The following DLG1 variants were observed in gnomAD, a reference collection of about 807,000 sequenced individuals.
DLG1 encodes disks large homolog 1.
DLG1 carries 42 observed loss-of-function variants against 123.4 expected under a neutral mutation model. That is an observed-to-expected ratio of 0.34 (90% CI 0.27 to 0.44). The LOEUF (loss-of-function observed/expected upper bound fraction) is 0.44, where lower values mean the gene tolerates loss of function less well. Ranked by LOEUF, DLG1 falls within the 20% of genes least tolerant of loss-of-function variation. The probability of loss-of-function intolerance (pLI) is 1.00; values close to 1 mark genes in which losing one functional copy is unlikely to be tolerated. For synonymous variants in DLG1, 317 were observed against 356.2 expected (o/e 0.89, Z 1.24); for missense variants, 942 against 1,082.6 (o/e 0.87, Z 1.82).
intron 4 of DLG1, among the ~76,000 whole-genome samples, chr3:197,274,942 T>C (rs1327622184): frequency 6.6e-6 from 1 of 152,166 alleles, no homozygotes; most frequent in Non-Finnish European, 1.5e-5. Context: ...TCCCAGCACA[T>C]GGGAGGCCGA....
chr3:197,251,370 G>A (rs1754376806), intron 4 of DLG1, among the ~76,000 whole-genome samples: 1 of 152,150 alleles, frequency 6.6e-6, no homozygotes, highest in Non-Finnish European at 1.5e-5. Context: ...AAAGCTGGAG[G>A]CATCACGCTA....
At chr3:197,114,089 C>T (rs1047274904) in intron 13 of DLG1, among the ~76,000 whole-genome samples, 2 of 152,078 alleles carry the variant, frequency 1.3e-5, no homozygotes, top group African/African-American at 2.4e-5. Context: ...GGTTAACAGA[C>T]ATGAAAAACA....
intron 14 of DLG1, among the ~76,000 whole-genome samples, chr3:197,095,045 T>C (rs1431520996): frequency 6.6e-6 from 1 of 152,238 alleles, no homozygotes; most frequent in East Asian, 1.9e-4. Flanking sequence ...AGGAGACTCC[T>C]ATTACATGCA....
intron 10 of DLG1, among the ~76,000 whole-genome samples, chr3:197,132,642 C>T (rs75124247): frequency 7.2e-6 from 1 of 138,046 alleles, no homozygotes; most frequent in African/African-American, 2.7e-5. Flanking sequence ...CTGAAATACA[C>T]ATTAAATAGC....
At chr3:197,143,995 T>A (rs1424795721) in intron 6 of DLG1, among the ~76,000 whole-genome samples, 1 of 152,182 alleles carries the variant, frequency 6.6e-6, no homozygotes, top group Admixed American at 6.5e-5. Context: ...CTTTAAAATT[T>A]CTCGTGATAT....
chr3:197,164,466 T>C (rs1800294678), intron 5 of DLG1, among the ~76,000 whole-genome samples: 1 of 152,178 alleles, frequency 6.6e-6, no homozygotes. Context: ...GGAAATAATT[T>C]TAAAAGCCTA....
chr3:197,128,646 G>C (rs1271279172), intron 11 of DLG1, among the ~76,000 whole-genome samples: 3 of 152,180 alleles, frequency 2.0e-5, no homozygotes, highest in Admixed American at 2.0e-4. Context: ...ACCTATGACA[G>C]CTATAGCTTT....
chr3:197,270,101 C>A (rs61693362), intron 4 of DLG1, among the ~76,000 whole-genome samples: 3 of 152,172 alleles, frequency 2.0e-5, no homozygotes, highest in East Asian at 1.9e-4. Flanking sequence ...GAAAAAGCAA[C>A]CCCTAGGAAT....
intron 4 of DLG1, among the ~76,000 whole-genome samples, chr3:197,278,945 T>C (rs1767882318): frequency 6.6e-6 from 1 of 152,200 alleles, no homozygotes; most frequent in Non-Finnish European, 1.5e-5. Flanking sequence ...TATCCAAGAA[T>C]TAGTACACAA....
At chr3:197,201,241 G>A (rs894254685) in intron 4 of DLG1, among the ~76,000 whole-genome samples, 2 of 152,166 alleles carry the variant, frequency 1.3e-5, no homozygotes, top group African/African-American at 4.8e-5. Context: ...AAATTTAGCT[G>A]GGCATGGTGG....
chr3:197,289,341 TACACACACAC>T lies in DLG1; in HGVS notation c.152-6506_152-6497del, dbSNP rs56319334. ...GGGGGGTGGCGTGTATACACGCGCA[TACACACACAC>T]ACACACACACACACACAAATAACAT... On this transcript the variant is annotated intron_variant, in intron 3 of 24. Transcript: ENST00000667157. Among the ~76,000 whole-genome samples, 561 of 150,398 alleles carry T rather than the reference TACACACACAC, an allele frequency of 3.7e-3. 4 individuals are homozygous for T. Among genetic ancestry groups the T allele is most frequent in the African/African-American group, 0.013 (539 of 40,958 alleles).
intron 14 of DLG1, among the ~76,000 whole-genome samples, chr3:197,101,669 G>A (rs1438339559): frequency 1.3e-5 from 2 of 152,176 alleles, no homozygotes; most frequent in Admixed American, 1.3e-4. Context: ...GATTACAGGC[G>A]TGAGCCACCG....
At chr3:197,092,042 C>T (rs1758006702) in intron 14 of DLG1, among the ~76,000 whole-genome samples, 1 of 152,114 alleles carries the variant, frequency 6.6e-6, no homozygotes, top group Admixed American at 6.5e-5. Flanking sequence ...ATTTTACTAT[C>T]CTTTCAAAAT....
At chr3:197,090,568 A>G (rs978387211) in intron 15 of DLG1, among the ~76,000 whole-genome samples, 3 of 152,088 alleles carry the variant, frequency 2.0e-5, no homozygotes, top group African/African-American at 7.2e-5. Context: ...AAAATATATT[A>G]GAAAAGGACA....
Position 197,104,903 on chromosome 3 carries a change from C to T in DLG1, c.1546G>A (p.Glu516Lys). 6.2e-7 allele frequency: 1 copy of T among 1,602,244 alleles called. No individual in the cohort carries two copies. The highest frequency in any genetic ancestry group is 8.5e-7 in the Non-Finnish European group (1 of 1,170,740). ...CTATAGACAATAAGAATGTTATTAC[C>T]TTCAGGTCGATATTGTGCAACAATT... Reference protein sequence around the residue: ...VTIVAQYRPEEYSRFEAKIHD... With the variant: ...VTIVAQYRPEKYSRFEAKIHD... Residue 516 changes from glutamate to lysine, a missense_variant and splice_region_variant, in exon 14 of 25, where the codon GAA becomes AAA. Physicochemically the swap from Glu to Lys is moderately conservative, Grantham distance 56 (BLOSUM62 1). Coordinates refer to ENST00000667157, the MANE Select transcript of DLG1 (RefSeq NM_001366207.1).
chr3:197,118,843 C>T (rs776426082), intron 12 of DLG1, among the ~76,000 whole-genome samples: 8 of 152,196 alleles, frequency 5.3e-5, no homozygotes, highest in Admixed American at 2.0e-4. Flanking sequence ...AGCAAACAAA[C>T]AAACCCACCC....
At chr3:197,047,986 T>C (rs1479581282) in intron 24 of DLG1, among the ~76,000 whole-genome samples, 1 of 152,044 alleles carries the variant, frequency 6.6e-6, no homozygotes, top group Non-Finnish European at 1.5e-5. Flanking sequence ...GAGGAGAAAA[T>C]ATTTCCAAAC....
chr3:197,085,636 C>T lies in DLG1; in HGVS notation c.1782G>A (p.Arg594=), dbSNP rs778107905. The stretch of plus-strand genomic sequence containing the variant: ...CGCTCTCACCATCTGGTGTAACCTG[C>T]CTGGCTTGCCACCATTCATCATCAG... ...NASDDEWWQA[R]QVTPDGESDE... The change falls in exon 16 of 25, where the codon AGG becomes AGA. Residue 594 remains arginine (R), a synonymous_variant. Transcript: ENST00000667157. 1.2e-6 allele frequency: 2 copies of T among 1,614,002 alleles called. No homozygotes were observed. The highest frequency in any genetic ancestry group is 1.1e-5 in the South Asian group (1 of 91,074).
chr3:197,243,069 C>G (rs774006941), intron 4 of DLG1, among the ~76,000 whole-genome samples: 18 of 152,284 alleles, frequency 1.2e-4, no homozygotes, highest in African/African-American at 4.3e-4. Context: ...TAGTTACGAT[C>G]GCAAGAGCAC....
Sources: allele counts gnomAD v4.1 joint callset (sites outside exome capture counted in the v4.1 genomes callset), GRCh38; gene constraint gnomAD v4.1.1; transcripts MANE v1.5; gene names NCBI Gene and HGNC (gene_info 2026-07-23, HGNC 2026-07-21).